Variants in SLC2A2 observed in about 807,000 individuals in gnomAD.
SLC2A2 encodes solute carrier family 2 member 2, also known as solute carrier family 2, facilitated glucose transporter member 2.
In SLC2A2, 36 loss-of-function variants were observed where a neutral mutation model predicts 54.5. That is an observed-to-expected ratio of 0.66 (90% confidence interval 0.51 to 0.87). The LOEUF is 0.87. SLC2A2 is among the 40% of genes least tolerant of loss of function. The pLI is 0.00. For missense variants in SLC2A2, 543 were observed against 624.3 expected, an observed-to-expected ratio of 0.87 and a Z score of 1.39; for synonymous variants, 223 against 219.1, an observed-to-expected ratio of 1.02 and a Z score of -0.16.
chr3:171,007,613 A>C (rs1254753011), intron 4 of SLC2A2: 1 of 324,964 alleles, frequency 3.1e-6, no homozygotes, highest in African/African-American at 2.1e-5. Context: ...TAATATTCTT[A>C]ATTAGGGCTC....
chr3:171,012,896 A>T (rs1336928965), intron 3 of SLC2A2, among the ~76,000 whole-genome samples: 1 of 152,188 alleles, frequency 6.6e-6, no homozygotes, highest in Non-Finnish European at 1.5e-5. Flanking sequence ...TTTGGGGTAT[A>T]ACCATTGTTG....
At chr3:171,007,316 A>G in intron 4 of SLC2A2, 53 bp from the exon 5 acceptor site, 1 of 1,096,742 alleles carries the variant, frequency 9.1e-7, no homozygotes, top group Non-Finnish European at 1.4e-6. Context: ...TATCTCAATA[A>G]TAACAATTTG....
chr3:171,014,319 T>A, intron 3 of SLC2A2, 150 bp downstream of exon 3: 1 of 772,020 alleles, frequency 1.3e-6, no homozygotes, highest in Non-Finnish European at 2.1e-6. Flanking sequence ...ATTGATTTGA[T>A]CTAACACTGA....
At chr3:170,998,147 A>T in intron 10 of SLC2A2, 44 bp from the exon 11 acceptor site, 1 of 1,612,994 alleles carries the variant, frequency 6.2e-7, no homozygotes, top group Non-Finnish European at 8.5e-7. Flanking sequence ...CAGTTTTTTG[A>T]CCCTCTCTTC....
chr3:171,000,912 C>T (rs1179966347), intron 8 of SLC2A2, among the ~76,000 whole-genome samples: 2 of 152,090 alleles, frequency 1.3e-5, no homozygotes, highest in Admixed American at 6.5e-5. Flanking sequence ...ACTTTTTGAA[C>T]TTTAAAACAA....
At chr3:171,026,394 G>A (rs1284975954) in intron 1 of SLC2A2, among the ~76,000 whole-genome samples, 1 of 119,044 alleles carries the variant, frequency 8.4e-6, no homozygotes, top group Non-Finnish European at 1.8e-5. Context: ...TTTTTGGTTA[G>A]GAGGGGACAT....
intron 7 of SLC2A2, among the ~76,000 whole-genome samples, chr3:171,004,068 G>C (rs997538683): frequency 7.2e-5 from 11 of 151,916 alleles, no homozygotes; most frequent in African/African-American, 2.2e-4. Flanking sequence ...CACCTAACGT[G>C]TCCTATTGCT....
At chr3:171,008,176 TG>T (rs1028365512) in intron 4 of SLC2A2, among the ~76,000 whole-genome samples, 13 of 152,120 alleles carry the variant, frequency 8.5e-5, no homozygotes. Flanking sequence ...CAAATTGAAA[TG>T]GATGATCTTT....
At chr3:171,003,501 T>C (rs1272314919) in intron 7 of SLC2A2, among the ~76,000 whole-genome samples, 1 of 151,898 alleles carries the variant, frequency 6.6e-6, no homozygotes, top group East Asian at 1.9e-4. Flanking sequence ...TTTATTTTGA[T>C]TTTTGCCTTT....
chr3:170,996,366 G>A lies in SLC2A2; in HGVS notation c.*1537C>T. On this transcript the variant is annotated 3_prime_UTR_variant, in exon 11 of 11. Transcript: ENST00000314251. Reference sequence around the variant, plus strand: ...TCACACTGAAAAGAAACAATTTCTTGTTCTTTGGACTGCTAAATTACATAT... The same window carrying A: ...TCACACTGAAAAGAAACAATTTCTTATTCTTTGGACTGCTAAATTACATAT... 1 of 366,248 alleles carries A rather than the reference G, an allele frequency of 2.7e-6. No homozygotes were observed. The highest frequency in any genetic ancestry group is 4.9e-6 in the Non-Finnish European group (1 of 205,294). 22.7% of individuals were successfully genotyped at this position (366,248 alleles called of 1,614,324 possible).
rs775694029 is a variant in SLC2A2, at chr3:170,996,945, A to G, written c.*958T>C. On this transcript the variant is annotated 3_prime_UTR_variant, in exon 11 of 11. Coordinates refer to ENST00000314251, the MANE Select transcript of SLC2A2 (RefSeq NM_000340.2). ...ATTTTGAGACATAATAATTCAGAAA[A>G]TATTTTTAACAAAGTGATCAATCCT... 1 of 304,462 alleles carries G rather than the reference A, an allele frequency of 3.3e-6. No individual in the cohort carries two copies. The highest frequency in any genetic ancestry group is 6.0e-6 in the Non-Finnish European group (1 of 167,252). The allele number at this position is 304,462 out of a possible 1,614,324, so 18.9% of individuals were successfully genotyped here. A position where few individuals can be genotyped will look rare whatever the true frequency, so the allele number is the denominator to read the frequency against.
chr3:171,025,351 TA>T (rs1295682831), intron 1 of SLC2A2, among the ~76,000 whole-genome samples: 1 of 115,332 alleles, frequency 8.7e-6, no homozygotes, highest in African/African-American at 4.8e-5. Context: ...AAATACTATT[TA>T]AATATGTATT....
At chr3:171,017,490 C>T (rs1716206436) in intron 2 of SLC2A2, among the ~76,000 whole-genome samples, 1 of 152,146 alleles carries the variant, frequency 6.6e-6, no homozygotes, top group Non-Finnish European at 1.5e-5. Context: ...CTTTCATTTT[C>T]CTTGGGGCTC....
intron 1 of SLC2A2, among the ~76,000 whole-genome samples, chr3:171,024,341 A>G (rs1716593436): frequency 1.3e-5 from 2 of 152,190 alleles, no homozygotes; most frequent in Non-Finnish European, 2.9e-5. Flanking sequence ...ACATGAAATT[A>G]TTCCTATTTT....
At chr3:171,000,133 G>A (rs1161003148) in intron 8 of SLC2A2, among the ~76,000 whole-genome samples, 2 of 151,744 alleles carry the variant, frequency 1.3e-5, no homozygotes, top group Non-Finnish European at 2.9e-5. Context: ...AGACATCTTA[G>A]AAACATTTCA....
chr3:170,998,428 T>G, intron 9 of SLC2A2, 32 bp from the exon 10 acceptor site: 1 of 1,574,566 alleles, frequency 6.4e-7, no homozygotes, highest in Non-Finnish European at 8.7e-7. Context: ...ATAGTGGGAC[T>G]GAGATCATTT....
At position 170,998,006 on chromosome 3, in the gene SLC2A2, G is replaced by A; in HGVS notation, c.1472C>T (p.Ser491Phe). ...FFKVPETKGKSFEEIAAEFQK... is the reference protein window; with the variant it reads ...FFKVPETKGKFFEEIAAEFQK... ...GAATTCTGCAGCAATTTCCTCAAAA[G>A]ACTTTCCTTTGGTTTCTGGAACTTT... Residue 491 changes from serine to phenylalanine, a missense_variant, in exon 11 of 11, where the codon TCT becomes TTT. Ser to Phe is a radical substitution (Grantham distance 155). Transcript: ENST00000314251. The A allele has an allele frequency of 6.2e-7, 1 of 1,613,682 alleles. No homozygotes were observed. The highest frequency in any genetic ancestry group is 8.5e-7 in the Non-Finnish European group (1 of 1,179,790).
In SLC2A2 at chr3:170,997,649, A is replaced by G. The variant is rs910326054; in HGVS notation, c.*254T>C. 4.4e-6 allele frequency: 2 copies of G among 453,720 alleles called. No individual in the cohort carries two copies. The highest frequency in any genetic ancestry group is 3.9e-6 in the Non-Finnish European group (1 of 256,786). 28.1% of individuals were successfully genotyped at this position (453,720 alleles called of 1,614,324 possible). A position where few individuals can be genotyped will look rare whatever the true frequency, so the allele number is the denominator to read the frequency against. On this transcript the variant is annotated 3_prime_UTR_variant, in exon 11 of 11. Transcript: ENST00000314251. ...TATAAAGAACAGAGCTAAAAATATT[A>G]GAACCACCTGCCCTTTAGTGTAACA...
chr3:171,008,283 G>T (rs1715706372), intron 4 of SLC2A2, among the ~76,000 whole-genome samples: 1 of 152,000 alleles, frequency 6.6e-6, no homozygotes, highest in Non-Finnish European at 1.5e-5. Context: ...TGTGTGATAA[G>T]GTATCTGTAT....
Sources: gnomAD v4.1 joint callset for allele counts (sites outside exome capture counted in the v4.1 genomes callset) on GRCh38, gnomAD v4.1.1 for gene constraint, MANE v1.5 for transcripts, NCBI Gene and HGNC (gene_info 2026-07-23, HGNC 2026-07-21) for gene names.